Variants in CDADC1 observed in about 807,000 individuals in gnomAD.
CDADC1 encodes cytidine and dCMP deaminase domain containing 1.
In CDADC1, 39 loss-of-function variants were observed where a neutral mutation model predicts 54.9. That is an observed-to-expected ratio of 0.71 (90% CI 0.55 to 0.93). CDADC1 has a LOEUF of 0.93. Ranked by LOEUF, CDADC1 falls within the 40% of genes least tolerant of loss-of-function variation. The pLI, the probability that CDADC1 is intolerant of heterozygous loss-of-function variation, is 0.00. For missense variants in CDADC1, 518 were observed against 618.8 expected (o/e 0.84, Z 1.73); for synonymous variants, 186 against 204.0 (o/e 0.91, Z 0.75).
rs987311214 is a variant in CDADC1 at position 49,291,340 on chromosome 13, A to AC, written c.1472-344_1472-343insC. ...GCGCCACAACACCTGTTTAAAAAAAAAAAATTTTTTTTGTAGAGATGGGGT... is the reference window on the plus strand; with the variant it reads ...GCGCCACAACACCTGTTTAAAAAAAACAAAATTTTTTTTGTAGAGATGGGGT... On this transcript the variant is annotated intron_variant, in intron 9 of 9. Transcript: ENST00000251108. Among the ~76,000 whole-genome samples, 16 of 107,766 alleles carry AC rather than the reference A, an allele frequency of 1.5e-4. No individual in the cohort carries two copies. In the Admixed American group the frequency reaches 1.6e-3, roughly 11 times the overall value. The allele number at this position is 107,766 out of a possible 152,430, so 70.7% of individuals were successfully genotyped here. A position where few individuals can be genotyped will look rare whatever the true frequency, so the allele number is the denominator to read the frequency against.
chr13:49,291,707 CA>C lies in CDADC1; in HGVS notation c.1496del (p.Gln499ArgfsTer44), dbSNP rs776393241. On this transcript the variant is annotated frameshift_variant, in exon 10 of 10. Coordinates refer to ENST00000251108, the MANE Select transcript of CDADC1 (RefSeq NM_030911.4). LOFTEE classifies it high-confidence loss of function. ...AGATGGTGTGTTGAGACCTGTCCCA[CA>C]GAAGGAAGAGCAGCACCAGGACAAG... is the stretch of plus-strand genomic sequence containing the variant. Reference protein sequence around the residue: ...RENGVLRPVPQKEEQHQDKKL... With the variant: ...RENGVLRPVPXKEEQHQDKKL... 4.5e-5 allele frequency: 72 copies of C among 1,613,972 alleles called. 1 individual carries two copies. The Middle Eastern group carries it at 4.9e-4, about 11-fold the overall frequency.
At chr13:49,264,956 C>G (rs2138214736) in intron 4 of CDADC1, among the ~76,000 whole-genome samples, 1 of 152,264 alleles carries the variant, frequency 6.6e-6, no homozygotes, top group Admixed American at 6.5e-5. Context: ...GTTTCTAAAG[C>G]CAGTTACTGG....
In CDADC1 at chr13:49,292,167, G is replaced by T; in HGVS notation, c.*410G>T. On this transcript the variant is annotated 3_prime_UTR_variant, in exon 10 of 10. Coordinates refer to ENST00000251108, the MANE Select transcript of CDADC1 (RefSeq NM_030911.4). ...TTACAAGAGTGACAGTTAGTAAACT[G>T]CTCCAGGGAAATAAGTGTCATCTTT... 1 of 1,003,610 alleles carries T rather than the reference G, an allele frequency of 1.0e-6. No individual in the cohort carries two copies. The highest frequency in any genetic ancestry group is 1.2e-6 in the Non-Finnish European group (1 of 839,660). The allele number at this position is 1,003,610 out of a possible 1,614,324, so 62.2% of individuals were successfully genotyped here.
intron 2 of CDADC1, among the ~76,000 whole-genome samples, chr13:49,252,992 A>G (rs1952468722): frequency 6.6e-6 from 1 of 152,186 alleles, no homozygotes; most frequent in South Asian, 2.1e-4. Flanking sequence ...TATTATTTGC[A>G]CATGGTATTC....
intron 9 of CDADC1, among the ~76,000 whole-genome samples, chr13:49,288,750 G>C (rs1419213602): frequency 6.6e-6 from 1 of 151,948 alleles, no homozygotes; most frequent in African/African-American, 2.4e-5. Context: ...AGGAAGGCAG[G>C]CAGTGTGACT....
intron 9 of CDADC1, among the ~76,000 whole-genome samples, chr13:49,286,807 A>G (rs1245340932): frequency 6.6e-6 from 1 of 152,234 alleles, no homozygotes; most frequent in Admixed American, 6.5e-5. Context: ...ACTACTACAG[A>G]TATTTTGAAT....
In CDADC1 at chr13:49,267,957, C is replaced by T. The variant is rs369638344; in HGVS notation, c.898C>T (p.Arg300Cys). The T allele has an allele frequency of 3.0e-5, 49 of 1,613,902 alleles. No individual in the cohort carries two copies. The East Asian group carries it at 6.9e-4, about 23-fold the overall frequency. Reference sequence around the variant, plus strand: ...GAACTTTAAACACTTCGGATTTTACCGTAGCAATCCAGAACAGATTAATGA... The same window carrying T: ...GAACTTTAAACACTTCGGATTTTACTGTAGCAATCCAGAACAGATTAATGA... ...VPNFKHFGFY[R>C]SNPEQINEIH... Residue 300 changes from arginine (R) to cysteine (C), a missense_variant, in exon 5 of 10, where the codon CGT becomes TGT. Arg to Cys is a radical substitution (Grantham distance 180). Coordinates refer to ENST00000251108, the MANE Select transcript of CDADC1 (RefSeq NM_030911.4).
chr13:49,286,083 G>C (rs1245004342), intron 8 of CDADC1, 139 bp from the exon 9 acceptor site: 1 of 619,016 alleles, frequency 1.6e-6, no homozygotes, highest in Non-Finnish European at 2.8e-6. Context: ...CAAAGTGCTG[G>C]GATTACAGGT....
chr13:49,291,173 T>TG (rs1355529072), intron 9 of CDADC1, among the ~76,000 whole-genome samples: 5 of 150,726 alleles, frequency 3.3e-5, no homozygotes, highest in Admixed American at 2.0e-4. Context: ...GTTTTTGGTT[T>TG]TTTTTTTTTT....
At position 49,275,689 on chromosome 13, in the gene CDADC1, TTATATATATATATATATA is replaced by T. The variant is rs371106804; in HGVS notation, c.1050+1370_1050+1387del. Among the ~76,000 whole-genome samples the T allele has an allele frequency of 5.9e-3, 253 of 43,092 alleles. 3 individuals are homozygous for T. Among genetic ancestry groups the T allele is most frequent in the Middle Eastern group, 0.036 (2 of 56 alleles). 28.3% of individuals were successfully genotyped at this position (43,092 alleles called of 152,430 possible). Reference sequence around the variant, plus strand: ...AACTGAATTTTAAATTTTCTAGGTGTTATATATATATATATATATATATATATATATATATATAGAGAG... The same window carrying T: ...AACTGAATTTTAAATTTTCTAGGTGTTATATATATATATATATATAGAGAG... On this transcript the variant is annotated intron_variant, in intron 6 of 9. Transcript: ENST00000251108.
At chr13:49,248,296 C>A in intron 1 of CDADC1, 177 bp downstream of exon 1, 1 of 574,882 alleles carries the variant, frequency 1.7e-6, no homozygotes, top group South Asian at 2.2e-5. Context: ...TCGGCTCGGT[C>A]GCACTGGCTT....
chr13:49,259,423 C>T lies in CDADC1; in HGVS notation c.330C>T (p.Ala110=), dbSNP rs370311963. 32 of 1,613,806 alleles carry T rather than the reference C, an allele frequency of 2.0e-5. No individual in the cohort carries two copies. The highest frequency in any genetic ancestry group is 6.6e-5 in the South Asian group (6 of 91,090). Residue 110 remains alanine (A), a synonymous_variant, in exon 4 of 10, where the codon GCC becomes GCT. Coordinates refer to ENST00000251108, the MANE Select transcript of CDADC1 (RefSeq NM_030911.4). Reference sequence around the variant, plus strand: ...ACTGTTCTAGTGAAGATTTACATGCCGGGCAGATTGCTCTTATTAAACATG... The same window carrying T: ...ACTGTTCTAGTGAAGATTTACATGCTGGGCAGATTGCTCTTATTAAACATG... The part of the protein sequence containing the change: ...GLHCSSEDLH[A]GQIALIKHGS...
chr13:49,280,064 A>G (rs150473014), intron 7 of CDADC1, among the ~76,000 whole-genome samples: 159 of 152,340 alleles, frequency 1.0e-3, no homozygotes, highest in African/African-American at 3.1e-3. Flanking sequence ...TAGGTACCAG[A>G]TAGGGCTGTG....
chr13:49,252,372 A>G (rs7984689), intron 2 of CDADC1, among the ~76,000 whole-genome samples: 47,643 of 152,142 alleles, frequency 0.31, 7,538 homozygotes, highest in East Asian at 0.5. Context: ...TTGCATGTTA[A>G]CTTGGGAACT....
chr13:49,287,622 C>T lies in CDADC1; in HGVS notation c.1471+1340C>T, dbSNP rs192001907. ...TGTTAGGGAAAGGATACAAAAAGCA[C>T]GAATCATAAAAAGGTTAATTTATCT... On this transcript the variant is annotated intron_variant, in intron 9 of 9. Coordinates refer to ENST00000251108, the MANE Select transcript of CDADC1 (RefSeq NM_030911.4). Among the ~76,000 whole-genome samples the T allele has an allele frequency of 1.1e-3, 168 of 152,064 alleles. 1 individual carries two copies. The highest frequency in any genetic ancestry group is 1.9e-3 in the Non-Finnish European group (132 of 67,976).
rs185644204 is a variant in CDADC1 at position 49,267,177 on chromosome 13, G to T, written c.431-313G>T. On this transcript the variant is annotated intron_variant, in intron 4 of 9. Coordinates refer to ENST00000251108, the MANE Select transcript of CDADC1 (RefSeq NM_030911.4). ...ATGGGTGTGTCTGTGTTTCAATAAA[G>T]GTTTATTTATGGATACTGAAATTTG... is the stretch of plus-strand genomic sequence containing the variant. Among the ~76,000 whole-genome samples, 5 of 152,262 alleles carry T rather than the reference G, an allele frequency of 3.3e-5. No homozygotes were observed. In the East Asian group the frequency reaches 9.6e-4, roughly 29 times the overall value.
chr13:49,280,390 TTAA>T (rs1418038610), intron 7 of CDADC1, 116 bp from the exon 8 acceptor site: 1 of 453,930 alleles, frequency 2.2e-6, no homozygotes, highest in Non-Finnish European at 3.8e-6. Context: ...ATGATCATTA[TTAA>T]TAATGTCATA....
intron 7 of CDADC1, 95 bp downstream of exon 7, chr13:49,278,614 A>G: frequency 2.0e-6 from 2 of 998,202 alleles, no homozygotes; most frequent in Non-Finnish European, 2.8e-6. Context: ...CCTTTTTCAA[A>G]TTCCAAGAAA....
chr13:49,255,772 G>A, intron 2 of CDADC1, 67 bp from the exon 3 acceptor site: 1 of 1,569,964 alleles, frequency 6.4e-7, no homozygotes, highest in East Asian at 2.3e-5. Context: ...TTTAAATATG[G>A]GAATATTGAA....
Sources: allele counts gnomAD v4.1 joint callset (sites outside exome capture counted in the v4.1 genomes callset), GRCh38; gene constraint gnomAD v4.1.1; transcripts MANE v1.5; gene names NCBI Gene and HGNC (gene_info 2026-07-23, HGNC 2026-07-21).